The following CHUK variants were observed in gnomAD, a reference collection of about 807,000 sequenced individuals.
The protein encoded by CHUK is component of inhibitor of nuclear factor kappa B kinase complex.
CHUK carries 35 observed loss-of-function variants against 104.8 expected under a neutral mutation model. The ratio of observed to expected loss-of-function variants is 0.33; its 90% confidence interval spans 0.26 to 0.44. The LOEUF is 0.44. CHUK is among the 20% of genes least tolerant of loss of function. The probability of loss-of-function intolerance (pLI) is 1.00; values close to 1 mark genes in which losing one functional copy is unlikely to be tolerated. For missense variants in CHUK, 663 were observed against 902.7 expected, an observed-to-expected ratio of 0.73 and a Z score of 3.40; for synonymous variants, 276 against 291.9, an observed-to-expected ratio of 0.95 and a Z score of 0.56.
At position 100,207,446 on chromosome 10, in the gene CHUK, T is replaced by C. The variant is rs1168565768; in HGVS notation, c.1129-114A>G. 1.6e-5 allele frequency: 11 copies of C among 673,994 alleles called. 1 individual carries two copies. The South Asian group carries it at 1.8e-4, about 11-fold the overall frequency. 41.8% of individuals were successfully genotyped at this position (673,994 alleles called of 1,614,324 possible). A position where few individuals can be genotyped will look rare whatever the true frequency, so the allele number is the denominator to read the frequency against. On this transcript the variant is annotated intron_variant, in intron 10 of 20. Transcript: ENST00000370397. ...TTGAAATGCAAATGAACAAAATCAA[T>C]GTGTATTACCATATCTCTTACAGAT...
At position 100,193,295 on chromosome 10, in the gene CHUK, C is replaced by T. The variant is rs955429535; in HGVS notation, c.2108+3G>A. On this transcript the variant is annotated splice_donor_region_variant and intron_variant, in intron 19 of 20. Coordinates refer to ENST00000370397, the MANE Select transcript of CHUK (RefSeq NM_001278.5). ...GCTATCTATTGTTACAAAGTAAACC[C>T]ACCCATCTTGAGGAGTTACCACACA... 5.6e-6 allele frequency: 9 copies of T among 1,613,938 alleles called. No homozygotes were observed. In the African/African-American group the frequency reaches 1.1e-4, roughly 19 times the overall value.
chr10:100,217,860 G>C (rs923201587), intron 9 of CHUK, 135 bp downstream of exon 9: 2 of 947,772 alleles, frequency 2.1e-6, no homozygotes, highest in Non-Finnish European at 1.6e-6. Context: ...CTAGGTGACA[G>C]AGTGAGACCC....
chr10:100,200,832 A>G (rs1459640068), intron 14 of CHUK, 52 bp from the exon 15 acceptor site: 2 of 960,348 alleles, frequency 2.1e-6, no homozygotes. Context: ...ACTACATCAT[A>G]GGAAACAAAA....
Position 100,229,468 on chromosome 10 carries a change from C to T in CHUK, c.65G>A (p.Gly22Asp), listed in dbSNP as rs1235950507. Residue 22 changes from glycine (G) to aspartate (D), a missense_variant, in exon 1 of 21, where the codon GGC becomes GAC. By Grantham distance (94) the Gly-to-Asp change is moderately conservative. This residue lies in a region of CHUK where 44 missense variants were observed against 39.2 expected (regional missense o/e 1.12). Coordinates refer to ENST00000370397, the MANE Select transcript of CHUK (RefSeq NM_001278.5). ...GGPWEMRERL[G>D]TGGFGNVCLY... is the part of the protein sequence containing the mutation. ...ACAGACGTTCCCGAAGCCGCCGGTG[C>T]CCAGCCGCTCCCGCATCTCCCAGGG... The T allele has an allele frequency of 6.2e-7, 1 of 1,600,344 alleles. No individual in the cohort carries two copies. Among genetic ancestry groups the T allele is most frequent in the South Asian group, 1.1e-5 (1 of 90,356 alleles).
intron 9 of CHUK, 32 bp downstream of exon 9, chr10:100,217,963 T>A (rs1564839536): frequency 6.3e-7 from 1 of 1,595,102 alleles, no homozygotes; most frequent in African/African-American, 1.3e-5. Flanking sequence ...CTTTCAATGC[T>A]GGTCTTATGC....
At chr10:100,219,440 T>TA in intron 5 of CHUK, 81 bp from the exon 6 acceptor site, 1 of 831,006 alleles carries the variant, frequency 1.2e-6, no homozygotes, top group Non-Finnish European at 2.1e-6. Flanking sequence ...TACGAGGCTG[T>TA]AGACAGGGTA....
intron 16 of CHUK, 73 bp from the exon 17 acceptor site, chr10:100,194,594 A>G (rs921772506): frequency 1.1e-6 from 1 of 897,116 alleles, no homozygotes; most frequent in Admixed American, 2.0e-5. Context: ...AAAATTCCTC[A>G]AAAATCCCTG....
At chr10:100,196,589 CA>C (rs1383987791) in intron 16 of CHUK, among the ~76,000 whole-genome samples, 1 of 151,984 alleles carries the variant, frequency 6.6e-6, no homozygotes, top group Non-Finnish European at 1.5e-5. Context: ...TTTGTAGAGA[CA>C]GGGTCTCACT....
At chr10:100,221,797 C>G (rs1845994285) in intron 4 of CHUK, among the ~76,000 whole-genome samples, 1 of 152,028 alleles carries the variant, frequency 6.6e-6, no homozygotes, top group African/African-American at 2.4e-5. Context: ...GGCATTGTGC[C>G]CAGCTAATTT....
At chr10:100,206,121 T>A (rs1845585652) in intron 11 of CHUK, among the ~76,000 whole-genome samples, 1 of 151,844 alleles carries the variant, frequency 6.6e-6, no homozygotes, top group Non-Finnish European at 1.5e-5. Flanking sequence ...TAAGATGAGA[T>A]CTTAGAACAG....
At chr10:100,206,608 T>C (rs1169402773) in intron 11 of CHUK, among the ~76,000 whole-genome samples, 5 of 152,224 alleles carry the variant, frequency 3.3e-5, no homozygotes, top group Non-Finnish European at 7.3e-5. Flanking sequence ...ATTACACAAG[T>C]ATCTAAATTT....
At chr10:100,199,783 T>C (rs1282253964) in intron 16 of CHUK, among the ~76,000 whole-genome samples, 188 bp downstream of exon 16, 2 of 152,216 alleles carry the variant, frequency 1.3e-5, no homozygotes, top group Non-Finnish European at 2.9e-5. Flanking sequence ...TTACTTTCTC[T>C]TTATCATCTC....
Position 100,218,827 on chromosome 10 carries a change from T to C in CHUK, c.690-2A>G. The C allele has an allele frequency of 1.9e-6, 3 of 1,607,688 alleles. No homozygotes were observed. Among genetic ancestry groups the C allele is most frequent in the Non-Finnish European group, 2.6e-6 (3 of 1,174,340 alleles). On this transcript the variant is annotated splice_acceptor_variant, in intron 7 of 20. Coordinates refer to ENST00000370397, the MANE Select transcript of CHUK (RefSeq NM_001278.5). LOFTEE classifies it high-confidence loss of function. ...TCCTTCTTCTTAATCTTCTCATGCC[T>C]ATAAAATCAAAAGCTACCTCAGTTG...
intron 4 of CHUK, among the ~76,000 whole-genome samples, chr10:100,221,466 G>T (rs1845985208): frequency 6.6e-6 from 1 of 151,908 alleles, no homozygotes; most frequent in Admixed American, 6.6e-5. Context: ...GTTGACTTGA[G>T]GACCCATCCC....
chr10:100,223,107 T>C (rs549447879), intron 2 of CHUK, 127 bp from the exon 3 acceptor site: 21 of 557,048 alleles, frequency 3.8e-5, no homozygotes, highest in Middle Eastern at 4.7e-4. Flanking sequence ...TATAATATTC[T>C]AATTTCTGAT....
intron 8 of CHUK, 66 bp from the exon 9 acceptor site, chr10:100,218,196 G>C (rs1845904587): frequency 4.3e-6 from 6 of 1,405,014 alleles, no homozygotes; most frequent in Non-Finnish European, 6.1e-6. Flanking sequence ...TATACTGTTA[G>C]AAAGGTAATT....
chr10:100,202,767 A>C (rs889200264), intron 13 of CHUK, among the ~76,000 whole-genome samples: 5 of 152,006 alleles, frequency 3.3e-5, no homozygotes, highest in Non-Finnish European at 5.9e-5. Flanking sequence ...AAAACAACAA[A>C]AAAAATTTTT....
intron 13 of CHUK, among the ~76,000 whole-genome samples, chr10:100,203,924 C>A (rs1379154782): frequency 1.3e-5 from 2 of 152,106 alleles, no homozygotes; most frequent in Non-Finnish European, 2.9e-5. Flanking sequence ...AAATTTATTT[C>A]TTATAGTTCT....
chr10:100,191,071 TA>T (rs1845189265), intron 19 of CHUK, 103 bp from the exon 20 acceptor site: 2 of 780,252 alleles, frequency 2.6e-6, no homozygotes, highest in Non-Finnish European at 4.6e-6. Context: ...AGCCTTCCTG[TA>T]ACCCAGTACC....
Sources: allele counts gnomAD v4.1 joint callset (sites outside exome capture counted in the v4.1 genomes callset), GRCh38; gene constraint gnomAD v4.1.1; regional missense constraint gnomAD v4.1.1; transcripts MANE v1.5; gene names NCBI Gene and HGNC (gene_info 2026-07-23, HGNC 2026-07-21).